Variants in CMIP observed in about 807,000 individuals in gnomAD.
The protein encoded by CMIP is c-Maf inducing protein.
In CMIP, 13 loss-of-function variants were observed where a neutral mutation model predicts 97.3. The observed-to-expected ratio is 0.13, with a 90% confidence interval of 0.09 to 0.21. The LOEUF is 0.21. Among genes scored for constraint, CMIP ranks in the 10% least tolerant of loss-of-function variants. The probability of loss-of-function intolerance (pLI) is 1.00; values close to 1 mark genes in which losing one functional copy is unlikely to be tolerated. For synonymous variants in CMIP, 538 were observed against 436.3 expected (o/e 1.23, Z -2.91); for missense variants, 847 against 1,024.9 (o/e 0.83, Z 2.37).
chr16:81,629,201 C>G (rs1301182432), intron 3 of CMIP, among the ~76,000 whole-genome samples: 2 of 147,100 alleles, frequency 1.4e-5, no homozygotes, highest in Non-Finnish European at 3.0e-5. Context: ...AGGCAGGCCC[C>G]TGTTTCTCAC....
intron 1 of CMIP, among the ~76,000 whole-genome samples, chr16:81,540,822 AGGCTTGT>A (rs2090435692): frequency 1.3e-5 from 2 of 152,100 alleles, no homozygotes; most frequent in Admixed American, 1.3e-4. Context: ...CTGGGACTTC[AGGCTTGT>A]GCCACCACGC....
chr16:81,630,648 G>C (rs181815334), intron 3 of CMIP: 34 of 152,370 alleles, frequency 2.2e-4, no homozygotes, highest in African/African-American at 8.2e-4. Context: ...AGGCAGAATG[G>C]TGGGGAGGCA....
intron 1 of CMIP, among the ~76,000 whole-genome samples, chr16:81,542,639 C>G (rs1334644350): frequency 2.0e-5 from 3 of 152,180 alleles, no homozygotes; most frequent in Non-Finnish European, 2.9e-5. Flanking sequence ...AGGTGCTGGC[C>G]TGGCTGGGTT....
At chr16:81,696,820 G>GTGA in intron 14 of CMIP, 153 bp downstream of exon 14, 1 of 683,908 alleles carries the variant, frequency 1.5e-6, no homozygotes, top group Non-Finnish European at 2.4e-6. Context: ...GGTGGTGGTG[G>GTGA]TGATGGTGAC....
At chr16:81,570,303 G>C (rs762926096) in intron 1 of CMIP, among the ~76,000 whole-genome samples, 3 of 152,200 alleles carry the variant, frequency 2.0e-5, no homozygotes, top group East Asian at 1.9e-4. Context: ...CGTGTTGTCA[G>C]TTTAGAGGCA....
chr16:81,527,086 A>T (rs984253215), intron 1 of CMIP, among the ~76,000 whole-genome samples: 4 of 152,194 alleles, frequency 2.6e-5, no homozygotes, highest in Non-Finnish European at 4.4e-5. Context: ...GCAGGCCTGG[A>T]CCTGAAAGGA....
intron 1 of CMIP, among the ~76,000 whole-genome samples, chr16:81,525,867 T>G (rs560797124): frequency 1.1e-4 from 17 of 152,350 alleles, no homozygotes; most frequent in African/African-American, 4.1e-4. Flanking sequence ...AATCAGAAGA[T>G]TTGTCTTTTT....
At chr16:81,486,960 ATAACCGCACTGGGCGT>A (rs1567539705) in intron 1 of CMIP, among the ~76,000 whole-genome samples, 2 of 152,374 alleles carry the variant, frequency 1.3e-5, no homozygotes, top group East Asian at 3.9e-4. Context: ...ACGGCAGGCG[ATAACCGCACTGGGCGT>A]TGAGCGCCGT....
chr16:81,469,930 C>G (rs1480849270), intron 1 of CMIP, among the ~76,000 whole-genome samples: 2 of 152,154 alleles, frequency 1.3e-5, no homozygotes, highest in African/African-American at 2.4e-5. Context: ...CTGCTGCACC[C>G]TTGACCTTGT....
At chr16:81,487,034 C>T (rs758457747) in intron 1 of CMIP, among the ~76,000 whole-genome samples, 6 of 152,240 alleles carry the variant, frequency 3.9e-5, no homozygotes, top group East Asian at 1.9e-4. Flanking sequence ...GGGCAGCTGG[C>T]GCAGCTTCGT....
At chr16:81,532,615 G>T (rs909513814) in intron 1 of CMIP, among the ~76,000 whole-genome samples, 1 of 152,320 alleles carries the variant, frequency 6.6e-6, no homozygotes, top group African/African-American at 2.4e-5. Context: ...CAGGTCCCGA[G>T]GCAGCGGGAG....
chr16:81,620,872 A>C lies in CMIP; in HGVS notation c.427-4A>C, dbSNP rs745512245. On this transcript the variant is annotated splice_polypyrimidine_tract_variant and splice_region_variant and intron_variant, in intron 2 of 20. Transcript: ENST00000537098. ...ACCTTGCTGTCCTGTTCTTGTCGTT[A>C]CAGGCTGCCAATAGCTACCTGCGAG... is the stretch of plus-strand genomic sequence containing the variant. The C allele has an allele frequency of 2.5e-5, 40 of 1,613,824 alleles. No individual in the cohort carries two copies. Among genetic ancestry groups the C allele is most frequent in the Non-Finnish European group, 3.0e-5 (35 of 1,179,852 alleles).
chr16:81,711,583 TA>T lies in CMIP; in HGVS notation c.*1791del, dbSNP rs1210311943. On this transcript the variant is annotated 3_prime_UTR_variant, in exon 21 of 21. Transcript: ENST00000537098. ...GAAGCAGAAGCAAAAAAAATAAAAATAAAAAAATAAATAAAAATAAAAAAAA... is the reference window on the plus strand; with the variant it reads ...GAAGCAGAAGCAAAAAAAATAAAAATAAAAAATAAATAAAAATAAAAAAAA... 9.5e-6 allele frequency: 1 copy of T among 105,280 alleles called. No homozygotes were observed. Among genetic ancestry groups the T allele is most frequent in the Non-Finnish European group, 2.0e-5 (1 of 49,360 alleles). 6.5% of individuals were successfully genotyped at this position (105,280 alleles called of 1,614,324 possible).
At chr16:81,661,069 C>T in intron 6 of CMIP, 123 bp downstream of exon 6, 1 of 1,170,032 alleles carries the variant, frequency 8.5e-7, no homozygotes, top group Non-Finnish European at 1.3e-6. Context: ...GTCACGGTCC[C>T]AGACACAGGC....
chr16:81,643,202 C>T (rs538213083), intron 3 of CMIP, among the ~76,000 whole-genome samples: 9 of 152,308 alleles, frequency 5.9e-5, no homozygotes, highest in African/African-American at 2.2e-4. Context: ...GAGAACCTTG[C>T]TGCTTAGAGG....
chr16:81,568,296 T>G (rs1211439801), intron 1 of CMIP, among the ~76,000 whole-genome samples: 2 of 152,122 alleles, frequency 1.3e-5, no homozygotes, highest in African/African-American at 2.4e-5. Context: ...TGCCTTTCCC[T>G]CTAACTTTCA....
At chr16:81,569,700 A>G (rs899784519) in intron 1 of CMIP, among the ~76,000 whole-genome samples, 1 of 152,230 alleles carries the variant, frequency 6.6e-6, no homozygotes, top group Non-Finnish European at 1.5e-5. Flanking sequence ...CAGAGTTTGG[A>G]AAAGATGGGC....
chr16:81,471,041 T>G (rs894292931), intron 1 of CMIP, among the ~76,000 whole-genome samples: 2 of 151,962 alleles, frequency 1.3e-5, no homozygotes, highest in African/African-American at 4.8e-5. Flanking sequence ...CATACACACA[T>G]GCACACAGGC....
intron 3 of CMIP, among the ~76,000 whole-genome samples, chr16:81,624,856 G>C (rs953342449): frequency 6.6e-6 from 1 of 152,192 alleles, no homozygotes; most frequent in Admixed American, 6.5e-5. Flanking sequence ...TCTTGGTCAC[G>C]CTTTTCCGTC....
Sources: allele counts gnomAD v4.1 joint callset (sites outside exome capture counted in the v4.1 genomes callset), GRCh38; gene constraint gnomAD v4.1.1; transcripts MANE v1.5; gene names NCBI Gene and HGNC (gene_info 2026-07-23, HGNC 2026-07-21).